Variants in TREML1 observed in about 807,000 individuals in gnomAD.
The protein encoded by TREML1 is triggering receptor expressed on myeloid cells like 1.
In TREML1, 27 loss-of-function variants were observed where a neutral mutation model predicts 22.8. The ratio of observed to expected loss-of-function variants is 1.19; its 90% CI spans 0.87 to 1.64. TREML1 has a LOEUF of 1.64. Among genes scored for constraint, TREML1 ranks in the 40% most tolerant of loss-of-function variants. The pLI is 0.00. For missense variants in TREML1, 356 were observed against 382.0 expected, an observed-to-expected ratio of 0.93 and a Z score of 0.57; for synonymous variants, 153 against 161.9, an observed-to-expected ratio of 0.94 and a Z score of 0.42.
chr6:41,153,843 C>G lies in TREML1; in HGVS notation c.291G>C (p.Glu97Asp), dbSNP rs1765346008. ...LQVEMVTLQE[E>D]DAGEYGCMVD... The stretch of plus-strand genomic sequence containing the variant: ...CCATGCAGCCATACTCGCCAGCATC[C>G]TCTTCCTGCAGGGTAACCATTTCCA... The change falls in exon 2 of 6, where the codon GAG becomes GAC. Residue 97 changes from glutamate (E) to aspartate (D), a missense_variant. Coordinates refer to ENST00000426005, the MANE Select transcript of TREML1 (RefSeq NM_178174.4). 6.2e-7 allele frequency: 1 copy of G among 1,614,222 alleles called. No individual in the cohort carries two copies.
intron 2 of TREML1, among the ~76,000 whole-genome samples, chr6:41,152,291 C>T (rs1227941585): frequency 6.6e-6 from 1 of 152,160 alleles, no homozygotes; most frequent in Non-Finnish European, 1.5e-5. Context: ...TGCTACGCGC[C>T]ACCTGCCTGC....
chr6:41,151,769 C>T (rs552345263), intron 2 of TREML1: 66 of 201,732 alleles, frequency 3.3e-4, no homozygotes, highest in Admixed American at 5.1e-4. Context: ...CCTTCCCACC[C>T]GAATAGGTTT....
rs1189390629 is a variant in TREML1, at chr6:41,149,766, T to A, written c.774A>T (p.Ser258=). 2.5e-6 allele frequency: 4 copies of A among 1,613,434 alleles called. No homozygotes were observed. The African/African-American group carries it at 5.4e-5, about 22-fold the overall frequency. Reference sequence around the variant, plus strand: ...GGGGCAATGAGGATGGAGCTGGGAGTGAAGGTTTTCCTGATGGGGAATCAA... The same window carrying A: ...GGGGCAATGAGGATGGAGCTGGGAGAGAAGGTTTTCCTGATGGGGAATCAA... The part of the protein sequence containing the change: ...LPLDSPSGKP[S]LPAPSSLPPL... Residue 258 remains serine, a synonymous_variant, in exon 6 of 6, where the codon TCA becomes TCT. Transcript: ENST00000426005.
intron 2 of TREML1, chr6:41,151,645 C>T (rs959732324): frequency 1.4e-5 from 7 of 485,696 alleles, no homozygotes; most frequent in Non-Finnish European, 2.6e-5. Flanking sequence ...CCAGCTCCCC[C>T]CATCTTCCTG....
At chr6:41,152,555 A>G (rs1197147661) in intron 2 of TREML1, among the ~76,000 whole-genome samples, 2 of 151,906 alleles carry the variant, frequency 1.3e-5, no homozygotes, top group African/African-American at 2.4e-5. Context: ...AACATAGTCT[A>G]CCCTCTTATT....
chr6:41,150,800 T>C lies in TREML1; in HGVS notation c.568+19A>G. ...CTGGAATGGTAGGGCCAGGCTGAGA[T>C]AGGAAGATAGCCACCTACCTTGTTT... On this transcript the variant is annotated intron_variant, in intron 4 of 5. Coordinates refer to ENST00000426005, the MANE Select transcript of TREML1 (RefSeq NM_178174.4). The C allele has an allele frequency of 1.2e-6, 2 of 1,610,660 alleles. No individual in the cohort carries two copies. The highest frequency in any genetic ancestry group is 1.7e-6 in the Non-Finnish European group (2 of 1,177,006).
upstream of TREML1, chr6:41,154,413 C>T: frequency 5.2e-6 from 4 of 775,122 alleles, no homozygotes; most frequent in South Asian, 6.6e-5. Context: ...TGGGCACCTC[C>T]AGGGGTGGGG....
intron 3 of TREML1, 85 bp from the exon 4 acceptor site, chr6:41,150,992 G>T (rs1765229581): frequency 7.6e-6 from 9 of 1,180,102 alleles, no homozygotes; most frequent in Admixed American, 1.8e-5. Context: ...GTGACAGAAG[G>T]GTTACATTCT....
rs1260936369 is a variant in TREML1 at position 41,151,267 on chromosome 6, CA to C, written c.479+14del. 1.2e-6 allele frequency: 2 copies of C among 1,612,562 alleles called. No homozygotes were observed. Among genetic ancestry groups the C allele is most frequent in the African/African-American group, 2.7e-5 (2 of 75,034 alleles). ...CACCCTTCTCCTGGCCTCCCAAATCCAATCCTGTCAGTACCTCTTCTCATCC... is the reference window on the plus strand; with the variant it reads ...CACCCTTCTCCTGGCCTCCCAAATCCATCCTGTCAGTACCTCTTCTCATCC... On this transcript the variant is annotated intron_variant, in intron 3 of 5. Coordinates refer to ENST00000426005, the MANE Select transcript of TREML1 (RefSeq NM_178174.4).
At chr6:41,154,434 C>A (rs1007105119), upstream of TREML1, 3 of 677,598 alleles carry the variant, frequency 4.4e-6, no homozygotes, top group Non-Finnish European at 7.7e-6. Flanking sequence ...AAAGGGAGTT[C>A]TTCCAAGCCC....
rs368473921 is a variant in TREML1, at chr6:41,153,928, C to T, written c.206G>A (p.Arg69His). The T allele has an allele frequency of 1.5e-5, 24 of 1,614,098 alleles. No homozygotes were observed. Among genetic ancestry groups the T allele is most frequent in the African/African-American group, 5.3e-5 (4 of 74,946 alleles). Residue 69 changes from arginine (R) to histidine (H), a missense_variant, in exon 2 of 6, where the codon CGC (arginine) becomes CAC (histidine). By Grantham distance (29) the Arg-to-His change is conservative. Transcript: ENST00000426005. Reference sequence around the variant, plus strand: ...CGTACGCCTGCCCGCTGGAGCTCTGCGATCCACAGCTGAGGACACCAGGGG... The same window carrying T: ...CGTACGCCTGCCCGCTGGAGCTCTGTGATCCACAGCTGAGGACACCAGGGG... ...CQPLVSSAVD[R>H]RAPAGRRTFL...
In TREML1 at chr6:41,152,942, A is replaced by ACT. The variant is rs572696497; in HGVS notation, c.376+815_376+816insAG. Among the ~76,000 whole-genome samples, 642 of 152,198 alleles carry ACT rather than the reference A, an allele frequency of 4.2e-3. 11 individuals carry two copies. The South Asian group carries it at 0.059, about 14-fold the overall frequency. On this transcript the variant is annotated intron_variant, in intron 2 of 5. Transcript: ENST00000426005. ...ATTATTTGGGGGTTGGGCATAAAAT[A>ACT]TGAGAAAAGGAAGACCTAAAGGTGA...
chr6:41,151,664 C>A, intron 2 of TREML1: 1 of 455,744 alleles, frequency 2.2e-6, no homozygotes, highest in Admixed American at 3.4e-5. Flanking sequence ...TGCTGCATTT[C>A]TTCCCTTTTA....
intron 4 of TREML1, 98 bp from the exon 5 acceptor site, chr6:41,150,411 T>A: frequency 8.8e-7 from 1 of 1,133,760 alleles, no homozygotes; most frequent in Non-Finnish European, 1.3e-6. Flanking sequence ...ACCTCTTCAC[T>A]ACTGCAGACT....
At chr6:41,151,214 G>T in intron 3 of TREML1, 68 bp downstream of exon 3, 4 of 1,371,838 alleles carry the variant, frequency 2.9e-6, no homozygotes, top group Non-Finnish European at 4.2e-6. Context: ...TTAGTTTGGA[G>T]CTCTAAACAA....
chr6:41,149,975 G>C (rs1379748189), intron 5 of TREML1, 57 bp from the exon 6 acceptor site: 1 of 1,539,996 alleles, frequency 6.5e-7, no homozygotes, highest in South Asian at 1.2e-5. Context: ...ACTCCCTTTG[G>C]TGGGAAGCCC....
chr6:41,153,913 C>A lies in TREML1; in HGVS notation c.221G>T (p.Gly74Val), dbSNP rs762239441. ...SSAVDRRAPA[G>V]RRTFLTDLGG... ...CAGGTCTGTGAGAAACGTACGCCTG[C>A]CCGCTGGAGCTCTGCGATCCACAGC... The change falls in exon 2 of 6, where the codon GGC becomes GTC. Residue 74 changes from glycine (G) to valine (V), a missense_variant. Gly to Val is a moderately radical substitution (Grantham distance 109). Transcript: ENST00000426005. The A allele has an allele frequency of 6.2e-6, 10 of 1,614,232 alleles. No homozygotes were observed. The highest frequency in any genetic ancestry group is 1.6e-4 in the Middle Eastern group (1 of 6,062).
At chr6:41,152,425 C>T (rs1208364689) in intron 2 of TREML1, among the ~76,000 whole-genome samples, 2 of 152,020 alleles carry the variant, frequency 1.3e-5, no homozygotes, top group Non-Finnish European at 2.9e-5. Context: ...TGAGTTAGAA[C>T]CTGAATTTAG....
chr6:41,155,240 CCTT>C (rs1374069486), upstream of TREML1, among the ~76,000 whole-genome samples: 1 of 152,144 alleles, frequency 6.6e-6, no homozygotes, highest in African/African-American at 2.4e-5. Flanking sequence ...ATGTTCTAGT[CCTT>C]CTGTGCAAAG....
Sources: gnomAD v4.1 joint callset for allele counts (sites outside exome capture counted in the v4.1 genomes callset) on GRCh38, gnomAD v4.1.1 for gene constraint, MANE v1.5 for transcripts, NCBI Gene and HGNC (gene_info 2026-07-23, HGNC 2026-07-21) for gene names.